Variants in PRR14 observed in about 807,000 individuals in gnomAD.
PRR14 encodes the protein proline-rich protein 14.
Under a neutral mutation model 57.2 loss-of-function variants are expected in PRR14, and 33 were observed. The observed-to-expected ratio is 0.58, with a 90% CI of 0.44 to 0.77. PRR14 has a LOEUF of 0.77. Among genes scored for constraint, PRR14 ranks in the 30% least tolerant of loss-of-function variants. PRR14 has a pLI of 0.00. For missense variants in PRR14, 716 were observed against 788.1 expected, an observed-to-expected ratio of 0.91 and a Z score of 1.10; for synonymous variants, 303 against 314.7, an observed-to-expected ratio of 0.96 and a Z score of 0.39.
At position 30,651,799 on chromosome 16, in the gene PRR14, G is replaced by T; in HGVS notation, c.27G>T (p.Pro9=). MDLPGDSS[P]PGQPRLCRQP... ...CTCTGCTTCTTTCACCCTCCAGCCC[G>T]CCTGGCCAGCCGCGTCTGTGCCGCC... The change falls in exon 3 of 12, where the codon CCG becomes CCT. Residue 9 remains proline (P), a synonymous_variant. Transcript: ENST00000300835. This position sits in a 1 kb window ranked among gnomAD's most constrained non-coding sequence, Gnocchi z 5.0. 6.2e-7 allele frequency: 1 copy of T among 1,605,962 alleles called. No homozygotes were observed. The highest frequency in any genetic ancestry group is 8.5e-7 in the Non-Finnish European group (1 of 1,179,776).
In PRR14 at chr16:30,651,539, G is replaced by A; in HGVS notation, c.-50-57G>A. 1.3e-6 allele frequency: 1 copy of A among 752,466 alleles called. No individual in the cohort carries two copies. Among genetic ancestry groups the A allele is most frequent in the Non-Finnish European group, 2.0e-6 (1 of 494,382 alleles). 46.6% of individuals were successfully genotyped at this position (752,466 alleles called of 1,614,324 possible). Reference sequence around the variant, plus strand: ...CCGCGGGCGGACCATGAAGGGCGGAGCCCCAGGGAAGGGGCCGGCCCTCAC... The same window carrying A: ...CCGCGGGCGGACCATGAAGGGCGGAACCCCAGGGAAGGGGCCGGCCCTCAC... On this transcript the variant is annotated intron_variant, in intron 1 of 11. Coordinates refer to ENST00000300835, the MANE Select transcript of PRR14 (RefSeq NM_024031.5). This position sits in a 1 kb window ranked among gnomAD's most constrained non-coding sequence, Gnocchi z 5.0.
At position 30,653,098 on chromosome 16, in the gene PRR14, G is replaced by A. The variant is rs144047204; in HGVS notation, c.499G>A (p.Ala167Thr). The change falls in exon 5 of 12, where the codon GCT becomes ACT. Residue 167 changes from alanine (A) to threonine (T), a missense_variant. Transcript: ENST00000300835. The part of the protein sequence containing the change: ...LEDIASPRPP[A>T]EGFIDETPNF... ...AGACATCGCCAGTCCTAGACCCCCC[G>A]CTGAGGTATGGGAACTGAGGGTACG... 6.6e-5 allele frequency: 106 copies of A among 1,602,486 alleles called. No homozygotes were observed. Among genetic ancestry groups the A allele is most frequent in the East Asian group, 5.4e-4 (24 of 44,764 alleles).
At position 30,652,381 on chromosome 16, in the gene PRR14, C is replaced by T. The variant is rs866576270; in HGVS notation, c.193-340C>T. The T allele has an allele frequency of 2.4e-5, 14 of 573,764 alleles. 1 individual carries two copies. The Middle Eastern group carries it at 3.7e-3, about 151-fold the overall frequency. The allele number at this position is 573,764 out of a possible 1,614,324, so 35.5% of individuals were successfully genotyped here. On this transcript the variant is annotated intron_variant, in intron 3 of 11. Transcript: ENST00000300835. ...GGGCCGAAACTCTTCTGCTTTCTTC[C>T]CAGCCCAGCCTCCTTAGGAAGCAGG...
At chr16:30,652,321 A>G in intron 3 of PRR14, 1 of 567,224 alleles carries the variant, frequency 1.8e-6, no homozygotes, top group Non-Finnish European at 3.3e-6. Context: ...TCTGCCTCCC[A>G]AAGTATTGGG....
intron 6 of PRR14, 134 bp downstream of exon 6, chr16:30,653,542 C>T: frequency 1.1e-6 from 1 of 914,038 alleles, no homozygotes; most frequent in Non-Finnish European, 1.7e-6. Context: ...AGGGGCCGGG[C>T]ACGCCCATGC....
Position 30,651,910 on chromosome 16 carries a change from G to A in PRR14, c.138G>A (p.Lys46=), listed in dbSNP as rs1321925551. Reference sequence around the variant, plus strand: ...CGGGGGCCCCTTCTCCCCTGGAAAAGGCCTCTCGGCGGGTCCTGGCCGTGG... The same window carrying A: ...CGGGGGCCCCTTCTCCCCTGGAAAAAGCCTCTCGGCGGGTCCTGGCCGTGG... ...QLPGAPSPLE[K]ASRRVLAVVL... Residue 46 remains lysine (K), a synonymous_variant, in exon 3 of 12, where the codon AAG becomes AAA. Coordinates refer to ENST00000300835, the MANE Select transcript of PRR14 (RefSeq NM_024031.5). This position sits in a 1 kb window ranked among gnomAD's most constrained non-coding sequence, Gnocchi z 5.0. 1 of 1,591,256 alleles carries A rather than the reference G, an allele frequency of 6.3e-7. No homozygotes were observed.
In PRR14 at chr16:30,652,823, G is replaced by A. The variant is rs778010296; in HGVS notation, c.295G>A (p.Gly99Arg). 2.5e-5 allele frequency: 40 copies of A among 1,614,068 alleles called. No individual in the cohort carries two copies. The highest frequency in any genetic ancestry group is 1.3e-4 in the East Asian group (6 of 44,896). Residue 99 changes from glycine to arginine, a missense_variant, in exon 4 of 12, where the codon GGG becomes AGG. Gly to Arg is a moderately radical substitution (Grantham distance 125, BLOSUM62 -2). Coordinates refer to ENST00000300835, the MANE Select transcript of PRR14 (RefSeq NM_024031.5). Reference sequence around the variant, plus strand: ...GCCTGCCTCGCCACCCCGGCAGGCCGGGTGGTCCTCGCAGGCCAGGTGAGC... The same window carrying A: ...GCCTGCCTCGCCACCCCGGCAGGCCAGGTGGTCCTCGCAGGCCAGGTGAGC... ...QPPASPPRQA[G>R]WSSQARPPDP...
rs2052365487 is a variant in PRR14, at chr16:30,655,785, C to T, written c.1407-83C>T. 6.7e-7 allele frequency: 1 copy of T among 1,500,800 alleles called. No individual in the cohort carries two copies. Among genetic ancestry groups the T allele is most frequent in the Admixed American group, 1.7e-5 (1 of 59,804 alleles). 93.0% of individuals were successfully genotyped at this position (1,500,800 alleles called of 1,614,324 possible). A position where few individuals can be genotyped will look rare whatever the true frequency, so the allele number is the denominator to read the frequency against. On this transcript the variant is annotated intron_variant, in intron 10 of 11. Transcript: ENST00000300835. The surrounding 1 kb of genome is among the most constrained non-coding windows in gnomAD (Gnocchi z 4.6). ...TCCTGGCCCTGACATGTCCCAGAAA[C>T]TGAAATACAGACCAGGCCTTACCTG...
At position 30,652,698 on chromosome 16, in the gene PRR14, C is replaced by T. The variant is rs773570120; in HGVS notation, c.193-23C>T. ...TCCAGCCTCATTCTATCACCTTGCT[C>T]TTGACACCTCTTTCTCTTCCAGGTC... is the stretch of plus-strand genomic sequence containing the variant. On this transcript the variant is annotated intron_variant, in intron 3 of 11. Transcript: ENST00000300835. The T allele has an allele frequency of 6.8e-6, 11 of 1,614,150 alleles. No individual in the cohort carries two copies. The Middle Eastern group carries it at 4.9e-4, about 73-fold the overall frequency.
rs1477895818 is a variant in PRR14, at chr16:30,654,271, C to T, written c.590C>T (p.Pro197Leu). The change falls in exon 7 of 12, where the codon CCT becomes CTT. Residue 197 changes from proline (P) to leucine (L), a missense_variant. By Grantham distance (98) the Pro-to-Leu change is moderately conservative. Coordinates refer to ENST00000300835, the MANE Select transcript of PRR14 (RefSeq NM_024031.5). ...MRIVRQPTPPPGDLEPPFQPS... is the reference protein window; with the variant it reads ...MRIVRQPTPPLGDLEPPFQPS... ...ATAGTTCGCCAGCCAACGCCTCCACCTGGGGACCTAGAACCCCCATTCCAG... is the reference window on the plus strand; with the variant it reads ...ATAGTTCGCCAGCCAACGCCTCCACTTGGGGACCTAGAACCCCCATTCCAG... The T allele has an allele frequency of 6.2e-7, 1 of 1,614,186 alleles. No individual in the cohort carries two copies. Among genetic ancestry groups the T allele is most frequent in the Non-Finnish European group, 8.5e-7 (1 of 1,180,024 alleles).
In PRR14 at chr16:30,655,172, C is replaced by T. The variant is rs1408282913; in HGVS notation, c.1202C>T (p.Ser401Leu). Reference protein sequence around the residue: ...GASPSLTTSCSSTASTSFSEP... With the variant: ...GASPSLTTSCLSTASTSFSEP... ...TCCCCTTCTCTCACCACATCTTGCT[C>T]GTCCACGGCATCCACTTCCTTCTCC... Residue 401 changes from serine to leucine, a missense_variant, in exon 8 of 12, where the codon TCG (serine) becomes TTG (leucine). Transcript: ENST00000300835. The surrounding 1 kb of genome is among the most constrained non-coding windows in gnomAD (Gnocchi z 4.6). The T allele has an allele frequency of 2.5e-6, 4 of 1,600,772 alleles. No individual in the cohort carries two copies. Among genetic ancestry groups the T allele is most frequent in the East Asian group, 2.2e-5 (1 of 44,668 alleles).
In PRR14 at chr16:30,654,804, C is replaced by T; in HGVS notation, c.834C>T (p.Pro278=). The stretch of plus-strand genomic sequence containing the variant: ...CCCCACAGCCCCCACCCCCGTCCCC[C>T]CCAATGAAGCTGGAGTTGAAGATCG... The part of the protein sequence containing the change: ...NKTPQPPPPS[P]PMKLELKIAI... The change falls in exon 8 of 12, where the codon CCC becomes CCT. Residue 278 remains proline (P), a synonymous_variant. Coordinates refer to ENST00000300835, the MANE Select transcript of PRR14 (RefSeq NM_024031.5). The T allele has an allele frequency of 6.2e-7, 1 of 1,602,372 alleles. No homozygotes were observed. Among genetic ancestry groups the T allele is most frequent in the African/African-American group, 1.4e-5 (1 of 73,684 alleles).
In PRR14 at chr16:30,656,223, G is replaced by A; in HGVS notation, c.1670G>A (p.Gly557Asp). The change falls in exon 12 of 12, where the codon GGC becomes GAC. Residue 557 changes from glycine (G) to aspartate (D), a missense_variant. By Grantham distance (94) the Gly-to-Asp change is moderately conservative. Coordinates refer to ENST00000300835, the MANE Select transcript of PRR14 (RefSeq NM_024031.5). ...AATGTGGCCCCCAGCCCTGATGTGG[G>A]CCCCCTGCTCCAGCAGCGGCTGGAG... Reference protein sequence around the residue: ...PPNVAPSPDVGPLLQQRLEEL... With the variant: ...PPNVAPSPDVDPLLQQRLEEL... The A allele has an allele frequency of 2.5e-6, 4 of 1,613,500 alleles. No homozygotes were observed. Among genetic ancestry groups the A allele is most frequent in the Non-Finnish European group, 3.4e-6 (4 of 1,179,966 alleles).
chr16:30,651,890 G>A lies in PRR14; in HGVS notation c.118G>A (p.Ala40Thr), dbSNP rs2052317206. Residue 40 changes from alanine to threonine, a missense_variant, in exon 3 of 12, where the codon GCC becomes ACC. Coordinates refer to ENST00000300835, the MANE Select transcript of PRR14 (RefSeq NM_024031.5). The surrounding 1 kb of genome is among the most constrained non-coding windows in gnomAD (Gnocchi z 5.0). ...ACGGCCGAGGCTGCAGCTCCCGGGGGCCCCTTCTCCCCTGGAAAAGGCCTC... is the reference window on the plus strand; with the variant it reads ...ACGGCCGAGGCTGCAGCTCCCGGGGACCCCTTCTCCCCTGGAAAAGGCCTC... ...PKRPRLQLPGAPSPLEKASRR... is the reference protein window; with the variant it reads ...PKRPRLQLPGTPSPLEKASRR... 1.9e-6 allele frequency: 3 copies of A among 1,604,408 alleles called. No individual in the cohort carries two copies. Among genetic ancestry groups the A allele is most frequent in the African/African-American group, 2.7e-5 (2 of 74,562 alleles).
rs1461548561 is a variant in PRR14 at position 30,652,337 on chromosome 16, A to C, written c.192+373A>C. ...CTGCCTCCCAAAGTATTGGGATTACAGGCGTGAGCCACGGCGCTGGGCCGA... is the reference window on the plus strand; with the variant it reads ...CTGCCTCCCAAAGTATTGGGATTACCGGCGTGAGCCACGGCGCTGGGCCGA... On this transcript the variant is annotated intron_variant, in intron 3 of 11. Transcript: ENST00000300835. 3 of 566,428 alleles carry C rather than the reference A, an allele frequency of 5.3e-6. No individual in the cohort carries two copies. In the African/African-American group the frequency reaches 5.6e-5, roughly 11 times the overall value. The allele number at this position is 566,428 out of a possible 1,614,324, so 35.1% of individuals were successfully genotyped here. A position where few individuals can be genotyped will look rare whatever the true frequency, so the allele number is the denominator to read the frequency against.
At position 30,651,417 on chromosome 16, in the gene PRR14, T is replaced by C; in HGVS notation, c.-50-179T>C. 1 of 481,892 alleles carries C rather than the reference T, an allele frequency of 2.1e-6. No individual in the cohort carries two copies. The highest frequency in any genetic ancestry group is 4.1e-5 in the Admixed American group (1 of 24,498). The allele number at this position is 481,892 out of a possible 1,614,324, so 29.9% of individuals were successfully genotyped here. A position where few individuals can be genotyped will look rare whatever the true frequency, so the allele number is the denominator to read the frequency against. ...GCCAGGCAGGGCGCGAGTGATCCGC[T>C]GATCGAGGCGGTGGCAGCGGGAGGA... On this transcript the variant is annotated intron_variant, in intron 1 of 11. Transcript: ENST00000300835. The surrounding 1 kb of genome is among the most constrained non-coding windows in gnomAD (Gnocchi z 5.0).
rs146555278 is a variant in PRR14, at chr16:30,655,042, C to T, written c.1072C>T (p.Arg358Trp). 1.2e-5 allele frequency: 19 copies of T among 1,610,504 alleles called. No homozygotes were observed. Among genetic ancestry groups the T allele is most frequent in the African/African-American group, 2.7e-5 (2 of 74,924 alleles). The change falls in exon 8 of 12, where the codon CGG becomes TGG. Residue 358 changes from arginine to tryptophan, a missense_variant. Physicochemically the swap from Arg to Trp is moderately radical, Grantham distance 101 (BLOSUM62 -3). Transcript: ENST00000300835. The surrounding 1 kb of genome is among the most constrained non-coding windows in gnomAD (Gnocchi z 4.6). ...PPAPPQPSRP[R>W]PRRHTVGGGE... ...TGCTCCACCCCAACCAAGCCGACCA[C>T]GGCCGCGGCGGCACACTGTGGGTGG...
At position 30,651,905 on chromosome 16, in the gene PRR14, G is replaced by C; in HGVS notation, c.133G>C (p.Glu45Gln). 1 of 1,596,228 alleles carries C rather than the reference G, an allele frequency of 6.3e-7. No homozygotes were observed. Among genetic ancestry groups the C allele is most frequent in the Middle Eastern group, 1.7e-4 (1 of 5,958 alleles). The part of the protein sequence containing the change: ...LQLPGAPSPL[E>Q]KASRRVLAVV... ...GCTCCCGGGGGCCCCTTCTCCCCTG[G>C]AAAAGGCCTCTCGGCGGGTCCTGGC... The change falls in exon 3 of 12, where the codon GAA becomes CAA. Residue 45 changes from glutamate to glutamine, a missense_variant. By Grantham distance (29) the Glu-to-Gln change is conservative. Transcript: ENST00000300835. The surrounding 1 kb of genome is among the most constrained non-coding windows in gnomAD (Gnocchi z 5.0).
rs1347609518 is a variant in PRR14 at position 30,655,422 on chromosome 16, T to C, written c.1314+2T>C. On this transcript the variant is annotated splice_donor_variant, in intron 9 of 11. Transcript: ENST00000300835. LOFTEE classifies it high-confidence loss of function. The surrounding 1 kb of genome is among the most constrained non-coding windows in gnomAD (Gnocchi z 4.6). ...GTGCTTTCAGAACCTGAGACCAAGGTAGGCATTCAGATCGGGTAGAAGAGA... is the reference window on the plus strand; with the variant it reads ...GTGCTTTCAGAACCTGAGACCAAGGCAGGCATTCAGATCGGGTAGAAGAGA... The C allele has an allele frequency of 6.2e-7, 1 of 1,614,142 alleles. No individual in the cohort carries two copies. Among genetic ancestry groups the C allele is most frequent in the Non-Finnish European group, 8.5e-7 (1 of 1,180,016 alleles).
Sources: allele counts gnomAD v4.1 joint callset, GRCh38; gene constraint gnomAD v4.1.1; non-coding constraint Gnocchi (gnomAD v3.1); transcripts MANE v1.5; gene names NCBI Gene and HGNC (gene_info 2026-07-23, HGNC 2026-07-21).